Variants in NCOR2 observed in about 807,000 individuals in gnomAD.
NCOR2 encodes CTG repeat protein 26.
A neutral mutation model predicts 262.9 loss-of-function variants in NCOR2; 81 were observed. The observed-to-expected ratio is 0.31, with a 90% CI of 0.26 to 0.37. The LOEUF is 0.37. Among genes scored for constraint, NCOR2 ranks in the 10% least tolerant of loss-of-function variants. The probability of loss-of-function intolerance (pLI) is 1.00; values close to 1 mark genes in which losing one functional copy is unlikely to be tolerated. For missense variants in NCOR2, 3,385 were observed against 3,621.4 expected (o/e 0.93, Z 1.68); for synonymous variants, 1,659 against 1,559.3 (o/e 1.06, Z -1.51).
chr12:124,497,148 G>A (rs1214094109), upstream of NCOR2, among the ~76,000 whole-genome samples: 1 of 152,304 alleles, frequency 6.6e-6, no homozygotes, highest in East Asian at 1.9e-4. The surrounding 1 kb of genome is among the most constrained non-coding windows in gnomAD (Gnocchi z 4.2). Context: ...CCAAGAATTC[G>A]GGCTCACACA....
At chr12:124,384,705 C>T (rs1171419927) in intron 17 of NCOR2, among the ~76,000 whole-genome samples, 2 of 152,184 alleles carry the variant, frequency 1.3e-5, no homozygotes, top group Non-Finnish European at 2.9e-5. Context: ...CCTCTCTGGG[C>T]CTCAGCAGGT....
At chr12:124,497,075 C>A (rs185185517), upstream of NCOR2, among the ~76,000 whole-genome samples, 54 of 152,316 alleles carry the variant, frequency 3.5e-4, no homozygotes, top group Admixed American at 1.2e-3. This position sits in a 1 kb window ranked among gnomAD's most constrained non-coding sequence, Gnocchi z 4.2. Flanking sequence ...ATTAGGGGAG[C>A]CAGGGCACTC....
At chr12:124,473,169 G>A (rs2046912698) in intron 3 of NCOR2, 38 bp from the exon 6 acceptor site, 3 of 1,609,418 alleles carry the variant, frequency 1.9e-6, no homozygotes, top group Admixed American at 1.7e-5. Context: ...GTCAGCACAG[G>A]GGACACCCCC....
rs1400150719 is a variant in NCOR2 at position 124,389,789 on chromosome 12, C to T, written c.1877-3902G>A. Reference sequence around the variant, plus strand: ...GGGGATTTGGGGTCCCCAAAGAGCCCTCTGCTGCTGGGGGGGTCTCGGGAC... The same window carrying T: ...GGGGATTTGGGGTCCCCAAAGAGCCTTCTGCTGCTGGGGGGGTCTCGGGAC... On this transcript the variant is annotated intron_variant, in intron 16 of 46. Transcript: ENST00000405201. The surrounding 1 kb of genome is among the most constrained non-coding windows in gnomAD (Gnocchi z 4.4). 1.3e-5 allele frequency among the ~76,000 whole-genome samples: 2 copies of T among 152,330 alleles called. No individual in the cohort carries two copies. The highest frequency in any genetic ancestry group is 3.9e-4 in the East Asian group (2 of 5,186).
At chr12:124,499,425 T>C (rs1013273182), upstream of NCOR2, among the ~76,000 whole-genome samples, 1 of 152,142 alleles carries the variant, frequency 6.6e-6, no homozygotes, top group African/African-American at 2.4e-5. Context: ...CCCTGGAGGG[T>C]CTCAGGCCAG....
intron 44 of NCOR2, among the ~76,000 whole-genome samples, chr12:124,328,160 G>C (rs140431269): frequency 2.6e-4 from 40 of 151,274 alleles, no homozygotes; most frequent in Non-Finnish European, 5.5e-4. Context: ...CTGAGAGAGA[G>C]AAGGTGACCA....
intron 1 of NCOR2, among the ~76,000 whole-genome samples, chr12:124,530,779 A>C (rs2050733027): frequency 6.6e-6 from 1 of 152,190 alleles, no homozygotes. Flanking sequence ...AAAACTGCCA[A>C]GTAAAATGAA....
exon 47 of NCOR2, chr12:124,325,554 T>C: frequency 7.6e-7 from 1 of 1,323,878 alleles, no homozygotes; most frequent in Non-Finnish European, 9.7e-7. Flanking sequence ...AGCCGCATGA[T>C]CAGGGGGTTG....
intron 13 of NCOR2, among the ~76,000 whole-genome samples, chr12:124,405,589 A>G (rs1325468052): frequency 6.6e-6 from 1 of 152,224 alleles, no homozygotes; most frequent in East Asian, 1.9e-4. Context: ...GCCTTAAAAT[A>G]TGCTTTCCAG....
At chr12:124,525,592 A>G (rs909637330) in intron 1 of NCOR2, among the ~76,000 whole-genome samples, 15 of 152,334 alleles carry the variant, frequency 9.8e-5, no homozygotes, top group African/African-American at 3.4e-4. Flanking sequence ...TGACCATCCC[A>G]CACTGCCCAG....
chr12:124,387,348 GAC>G (rs1565898438), intron 16 of NCOR2, among the ~76,000 whole-genome samples: 1 of 151,280 alleles, frequency 6.6e-6, no homozygotes, highest in Non-Finnish European at 1.5e-5. Context: ...ACGGCTAACT[GAC>G]ACACAGAGTT....
chr12:124,422,798 A>AT (rs1375274609), intron 11 of NCOR2, among the ~76,000 whole-genome samples: 1 of 152,196 alleles, frequency 6.6e-6, no homozygotes, highest in East Asian at 1.9e-4. Context: ...CTTTGAAAAT[A>AT]TATTTGTTTG....
chr12:124,467,234 CTCA>C (rs573483807), intron 4 of NCOR2, among the ~76,000 whole-genome samples: 48 of 93,274 alleles, frequency 5.1e-4, no homozygotes, highest in African/African-American at 1.9e-3. Context: ...CATCACCCCC[CTCA>C]TCTTCATCCC....
At chr12:124,347,648 A>C (rs889888056) in intron 30 of NCOR2, 177 bp downstream of exon 32, 4 of 629,572 alleles carry the variant, frequency 6.4e-6, no homozygotes, top group African/African-American at 3.7e-5. Context: ...GTTTTGAAAT[A>C]AGTAAGAGAC....
intron 9 of NCOR2, 146 bp downstream of exon 11, chr12:124,430,469 A>G: frequency 1.1e-6 from 1 of 904,786 alleles, no homozygotes; most frequent in Non-Finnish European, 1.6e-6. Flanking sequence ...CACGTGACAC[A>G]GGCCAGGGTC....
At chr12:124,542,851 C>G (rs2051416062) in intron 1 of NCOR2, 1 of 152,400 alleles carries the variant, frequency 6.6e-6, no homozygotes. Context: ...GCCAGCAGTC[C>G]AGACAGCCAG....
In NCOR2 at chr12:124,456,489, A is replaced by AGCCATCATC. The variant is rs543947656; in HGVS notation, c.762+608_762+616dup. ...TCCGCAGCAAAAGGACACTAGTGAC[A>AGCCATCATC]GCCATCATCGCCATCATCGCCATCA... On this transcript the variant is annotated intron_variant, in intron 6 of 46. Transcript: ENST00000405201. Among the ~76,000 whole-genome samples, 814 of 152,324 alleles carry AGCCATCATC rather than the reference A, an allele frequency of 5.3e-3. 14 individuals are homozygous for AGCCATCATC. Among genetic ancestry groups the AGCCATCATC allele is most frequent in the East Asian group, 0.046 (237 of 5,178 alleles).
intron 22 of NCOR2, among the ~76,000 whole-genome samples, chr12:124,361,406 C>T (rs12304680): frequency 1.6e-3 from 245 of 152,364 alleles, no homozygotes; most frequent in African/African-American, 5.6e-3. Context: ...TTTGGGGACA[C>T]AGGTTCAGAA....
At chr12:124,355,786 C>CA in intron 23 of NCOR2, among the ~76,000 whole-genome samples, 1 of 152,216 alleles carries the variant, frequency 6.6e-6, no homozygotes, top group Non-Finnish European at 1.5e-5. Flanking sequence ...ACCTCACCCA[C>CA]TGCCCAGGCC....
Sources: allele counts gnomAD v4.1 joint callset (sites outside exome capture counted in the v4.1 genomes callset), GRCh38; gene constraint gnomAD v4.1.1; non-coding constraint Gnocchi (gnomAD v3.1); transcripts MANE v1.5; gene names NCBI Gene and HGNC (gene_info 2026-07-23, HGNC 2026-07-21).